The following FASN variants were observed in gnomAD, a reference collection of about 807,000 sequenced individuals.
FASN encodes fatty acid synthase, also known as 3-hydroxyacyl-[acyl-carrier-protein] dehydratase.
A neutral mutation model predicts 250.0 loss-of-function variants in FASN; 50 were observed. That is an observed-to-expected ratio of 0.20 (90% CI 0.16 to 0.25). The LOEUF (loss-of-function observed/expected upper bound fraction) is 0.25. Ranked by LOEUF, FASN falls within the 10% of genes least tolerant of loss-of-function variation. The pLI is 1.00. For synonymous variants in FASN, 1,909 were observed against 1,584.0 expected (o/e 1.21, Z -4.87); for missense variants, 3,031 against 3,498.5 (o/e 0.87, Z 3.37).
At chr17:82,093,567 C>A (rs1240087127) in intron 4 of FASN, 31 bp downstream of exon 4, 2 of 1,612,472 alleles carry the variant, frequency 1.2e-6, no homozygotes, top group Admixed American at 3.3e-5. Flanking sequence ...TGAAGGCCAC[C>A]CACCTCCGCA....
chr17:82,087,166 C>T lies in FASN; in HGVS notation c.3311G>A (p.Arg1104Gln), dbSNP rs773351273. 21 of 1,609,592 alleles carry T rather than the reference C, an allele frequency of 1.3e-5. No individual in the cohort carries two copies. Among genetic ancestry groups the T allele is most frequent in the Admixed American group, 6.7e-5 (4 of 59,408 alleles). ...GGGCACCTGCTGCTCCTGCTGCCGC[C>T]GCGGGGCCGACTCAGTGTGGAGCCC... ...ISGLHTESAP[R>Q]RQQEQQVPIL... The change falls in exon 21 of 43, where the codon CGG becomes CAG. Residue 1104 changes from arginine (R) to glutamine (Q), a missense_variant. Coordinates refer to ENST00000306749, the MANE Select transcript of FASN (RefSeq NM_004104.5).
At chr17:82,083,912 G>C (rs750169937) in intron 29 of FASN, 21 bp from the exon 30 acceptor site, 1 of 1,555,752 alleles carries the variant, frequency 6.4e-7, no homozygotes, top group East Asian at 2.4e-5. Flanking sequence ...GAGGAAGCGC[G>C]GCTGGTGAGC....
chr17:82,086,293 G>T lies in FASN; in HGVS notation c.3693C>A (p.Ala1231=). 6.3e-7 allele frequency: 1 copy of T among 1,592,708 alleles called. No homozygotes were observed. The highest frequency in any genetic ancestry group is 8.5e-7 in the Non-Finnish European group (1 of 1,174,936). The stretch of plus-strand genomic sequence containing the variant: ...TCTTCAGGCTGGGCATGTTCTCCAC[G>T]GCAGTGTCCAGGCAGGCCTTGAGTG... ...SPALKACLDT[A]VENMPSLKMK... is the part of the protein sequence containing the mutation. Residue 1231 remains alanine (A), a synonymous_variant, in exon 22 of 43, where the codon GCC becomes GCA. Coordinates refer to ENST00000306749, the MANE Select transcript of FASN (RefSeq NM_004104.5).
Position 82,098,158 on chromosome 17 carries a change from G to A in FASN, c.-45C>T, listed in dbSNP as rs1356068832. 2.8e-5 allele frequency: 10 copies of A among 356,116 alleles called. No homozygotes were observed. Among genetic ancestry groups the A allele is most frequent in the Non-Finnish European group, 1.5e-5 (3 of 198,706 alleles). The allele number at this position is 356,116 out of a possible 1,614,324, so 22.1% of individuals were successfully genotyped here. Reference sequence around the variant, plus strand: ...CGGGCGGCGGTGCGGGCGGCGGAGAGCGAGGCTGGAGCGCGGCGGAGCGGG... The same window carrying A: ...CGGGCGGCGGTGCGGGCGGCGGAGAACGAGGCTGGAGCGCGGCGGAGCGGG... On this transcript the variant is annotated 5_prime_UTR_variant, in exon 1 of 43. Transcript: ENST00000306749.
rs747059037 is a variant in FASN at position 82,079,247 on chromosome 17, C to T, written c.7432G>A (p.Glu2478Lys). The change falls in exon 43 of 43, where the codon GAG becomes AAG. Residue 2478 changes from glutamate (E) to lysine (K), a missense_variant. Transcript: ENST00000306749. ...CDGKVSVHVIEGDHRTLLEGS... is the reference protein window; with the variant it reads ...CDGKVSVHVIKGDHRTLLEGS... Reference sequence around the variant, plus strand: ...TCCAGCAGCGTGCGGTGGTCACCCTCGATGACGTGGACGGATACTTTCCCG... The same window carrying T: ...TCCAGCAGCGTGCGGTGGTCACCCTTGATGACGTGGACGGATACTTTCCCG... 1.4e-5 allele frequency: 23 copies of T among 1,612,876 alleles called. No individual in the cohort carries two copies. The highest frequency in any genetic ancestry group is 2.2e-5 in the East Asian group (1 of 44,878).
Position 82,085,328 on chromosome 17 carries a change from C to G in FASN, c.4197G>C (p.Thr1399=), listed in dbSNP as rs775903535. The G allele has an allele frequency of 1.9e-6, 3 of 1,611,040 alleles. No homozygotes were observed. The highest frequency in any genetic ancestry group is 2.2e-5 in the East Asian group (1 of 44,818). ...VGLKKSFYGS[T]LFLCRRPTPQ... ...GGGTGGGCCGGCGGCACAGGAAGAG[C>G]GTGGAGCCGTAGAAGGACTTCTTCA... Residue 1399 remains threonine (T), a synonymous_variant, in exon 24 of 43, where the codon ACG becomes ACC. Coordinates refer to ENST00000306749, the MANE Select transcript of FASN (RefSeq NM_004104.5).
Position 82,083,436 on chromosome 17 carries a change from G to A in FASN, c.5342-11C>T. 6.2e-7 allele frequency: 1 copy of A among 1,612,678 alleles called. No individual in the cohort carries two copies. The highest frequency in any genetic ancestry group is 8.5e-7 in the Non-Finnish European group (1 of 1,179,992). On this transcript the variant is annotated splice_polypyrimidine_tract_variant and intron_variant, in intron 31 of 42. Transcript: ENST00000306749. ...GGAAGATAGCCATGCCTGCGGGCAG[G>A]GGCCGTGCTCACCCAGGGCCTTCCA...
Position 82,087,966 on chromosome 17 carries a change from GGTT to G in FASN, c.2851_2853del (p.Asn951del). On this transcript the variant is annotated inframe_deletion, in exon 18 of 43. Coordinates refer to ENST00000306749, the MANE Select transcript of FASN (RefSeq NM_004104.5). ...CGGCCCTGCTTACCACTCACTACCA[GGTT>G]GCCGTTCTCTGACACCTCGAAGGCA... 6 of 1,612,754 alleles carry G rather than the reference GGTT, an allele frequency of 3.7e-6. No individual in the cohort carries two copies. The highest frequency in any genetic ancestry group is 5.1e-6 in the Non-Finnish European group (6 of 1,179,974).
chr17:82,083,488 C>T (rs754151534), intron 31 of FASN, 29 bp downstream of exon 31: 5 of 1,612,630 alleles, frequency 3.1e-6, no homozygotes, highest in East Asian at 2.2e-5. Flanking sequence ...CATCCATGCC[C>T]ACCCCCGCCC....
chr17:82,089,561 C>T (rs912160967), intron 12 of FASN, 71 bp downstream of exon 12: 21 of 1,544,788 alleles, frequency 1.4e-5, no homozygotes, highest in African/African-American at 5.5e-5. Flanking sequence ...AGACCGTGGC[C>T]GCGTGTCCCT....
Position 82,086,164 on chromosome 17 carries a change from G to A in FASN, c.3732+90C>T, listed in dbSNP as rs532545942. 36 of 1,528,642 alleles carry A rather than the reference G, an allele frequency of 2.4e-5. No individual in the cohort carries two copies. In the African/African-American group the frequency reaches 2.9e-4, roughly 12 times the overall value. 94.7% of individuals were successfully genotyped at this position (1,528,642 alleles called of 1,614,324 possible). A position where few individuals can be genotyped will look rare whatever the true frequency, so the allele number is the denominator to read the frequency against. Reference sequence around the variant, plus strand: ...CGGCCCCACCCACCGCCCAGGGCCCGCCCCGTGTCTGTGCTGTCTCCTGCA... The same window carrying A: ...CGGCCCCACCCACCGCCCAGGGCCCACCCCGTGTCTGTGCTGTCTCCTGCA... On this transcript the variant is annotated intron_variant, in intron 22 of 42. Transcript: ENST00000306749.
Position 82,091,335 on chromosome 17 carries a change from A to T in FASN, c.1379T>A (p.Val460Asp), listed in dbSNP as rs1183618233. The change falls in exon 9 of 43, where the codon GTC (valine) becomes GAC (aspartate). Residue 460 changes from valine (V) to aspartate (D), a missense_variant. Coordinates refer to ENST00000306749, the MANE Select transcript of FASN (RefSeq NM_004104.5). ...FLSMLNDIAA[V>D]PATAMPFRGY... Reference sequence around the variant, plus strand: ...ACGGAAGGGCATGGCGGTGGCGGGGACAGCCGCGATGTCGTTCAGCATGCT... The same window carrying T: ...ACGGAAGGGCATGGCGGTGGCGGGGTCAGCCGCGATGTCGTTCAGCATGCT... 3.1e-6 allele frequency: 5 copies of T among 1,609,780 alleles called. No individual in the cohort carries two copies. The Admixed American group carries it at 6.7e-5, about 22-fold the overall frequency.
At position 82,081,143 on chromosome 17, in the gene FASN, C is replaced by T. The variant is rs45490894; in HGVS notation, c.6595+21G>A. 1.8e-4 allele frequency: 289 copies of T among 1,562,906 alleles called. No homozygotes were observed. In the African/African-American group the frequency reaches 3.0e-3, roughly 16 times the overall value. ...TGGGGAGGCCCGGGGACCCCACTCC[C>T]GCCTGGCCACCCACACGCACCGCTG... is the stretch of plus-strand genomic sequence containing the variant. On this transcript the variant is annotated intron_variant, in intron 38 of 42. Transcript: ENST00000306749.
chr17:82,084,648 G>T lies in FASN; in HGVS notation c.4633C>A (p.Arg1545Ser). 6.3e-7 allele frequency: 1 copy of T among 1,597,306 alleles called. No homozygotes were observed. The highest frequency in any genetic ancestry group is 8.5e-7 in the Non-Finnish European group (1 of 1,172,832). ...TLTRGDLSSI[R>S]WVCSSLRHAQ... ...TGGCGCAGCGAGGAGCAGACCCAGC[G>T]GATGGAGGACAGGTCCCCCCGGGTG... The change falls in exon 27 of 43, where the codon CGC becomes AGC. Residue 1545 changes from arginine to serine, a missense_variant. Physicochemically the swap from Arg to Ser is moderately radical, Grantham distance 110. Coordinates refer to ENST00000306749, the MANE Select transcript of FASN (RefSeq NM_004104.5).
chr17:82,094,542 G>A (rs564675936), intron 3 of FASN, among the ~76,000 whole-genome samples: 1 of 152,078 alleles, frequency 6.6e-6, no homozygotes, highest in African/African-American at 2.4e-5. Flanking sequence ...TGTAATCCCA[G>A]CACTTTGGGA....
In FASN at chr17:82,083,222, T is replaced by C. The variant is rs770338422; in HGVS notation, c.5545A>G (p.Ile1849Val). Residue 1849 changes from isoleucine to valine, a missense_variant, in exon 32 of 43, where the codon ATT (isoleucine) becomes GTT (valine). By Grantham distance (29) the Ile-to-Val change is conservative (BLOSUM62 3). Coordinates refer to ENST00000306749, the MANE Select transcript of FASN (RefSeq NM_004104.5). ...CTCACCTGCACGACGACTTTGCCAA[T>C]GTGCTTCCCTTGGGCCATGTAGCGG... ...AFRYMAQGKH[I>V]GKVVVQVLAE... is the part of the protein sequence containing the mutation. The C allele has an allele frequency of 1.9e-5, 30 of 1,612,598 alleles. No individual in the cohort carries two copies. The highest frequency in any genetic ancestry group is 2.4e-5 in the Non-Finnish European group (28 of 1,179,980).
At position 82,079,142 on chromosome 17, in the gene FASN, C is replaced by T; in HGVS notation, c.*1G>A. On this transcript the variant is annotated 3_prime_UTR_variant, in exon 43 of 43. Coordinates refer to ENST00000306749, the MANE Select transcript of FASN (RefSeq NM_004104.5). The stretch of plus-strand genomic sequence containing the variant: ...CTCCGGTGGCAGGCGGGGGCACGGG[C>T]CTAGCCCTCCCGCACGCTCACGCGT... 4.3e-6 allele frequency: 7 copies of T among 1,610,772 alleles called. No homozygotes were observed. Among genetic ancestry groups the T allele is most frequent in the Non-Finnish European group, 5.9e-6 (7 of 1,179,858 alleles).
chr17:82,090,510 C>T lies in FASN; in HGVS notation c.1735G>A (p.Gly579Ser), dbSNP rs1164938120. Residue 579 changes from glycine to serine, a missense_variant, in exon 11 of 43, where the codon GGC (glycine) becomes AGC (serine). Gly to Ser is a moderately conservative substitution (Grantham distance 56). Coordinates refer to ENST00000306749, the MANE Select transcript of FASN (RefSeq NM_004104.5). ...CAGGCCACCTCCCCCAGGGAGTGGCCGACGATGCCATCTGGCCTCAGCCCC... is the reference window on the plus strand; with the variant it reads ...CAGGCCACCTCCCCCAGGGAGTGGCTGACGATGCCATCTGGCCTCAGCCCC... ...CMGLRPDGIV[G>S]HSLGEVACGY... 6.2e-7 allele frequency: 1 copy of T among 1,611,516 alleles called. No homozygotes were observed. Among genetic ancestry groups the T allele is most frequent in the Non-Finnish European group, 8.5e-7 (1 of 1,179,538 alleles).
intron 10 of FASN, 63 bp from the exon 11 acceptor site, chr17:82,090,627 C>T (rs2034188211): frequency 1.4e-6 from 2 of 1,445,044 alleles, no homozygotes; most frequent in Middle Eastern, 1.8e-4. Flanking sequence ...GGGGGCGGCC[C>T]CCGGCCCCAC....
Sources: gnomAD v4.1 joint callset for allele counts (sites outside exome capture counted in the v4.1 genomes callset) on GRCh38, gnomAD v4.1.1 for gene constraint, MANE v1.5 for transcripts, NCBI Gene and HGNC (gene_info 2026-07-23, HGNC 2026-07-21) for gene names.